SLIT2: variants seen among roughly 807,000 people sequenced by gnomAD.
SLIT2 encodes slit homolog 2 protein.
Under a neutral mutation model 185.7 loss-of-function variants are expected in SLIT2, and 41 were observed. The observed-to-expected ratio is 0.22, with a 90% CI of 0.17 to 0.29. The LOEUF (loss-of-function observed/expected upper bound fraction) is 0.29, where lower values mean the gene tolerates loss of function less well. SLIT2 is among the 10% of genes least tolerant of loss of function. The pLI is 1.00. For synonymous variants in SLIT2, 693 were observed against 680.2 expected (o/e 1.02, Z -0.29); for missense variants, 1,571 against 1,909.0 (o/e 0.82, Z 3.30).
At chr4:20,451,538 A>G (rs560167673) in intron 4 of SLIT2, among the ~76,000 whole-genome samples, 9 of 152,348 alleles carry the variant, frequency 5.9e-5, no homozygotes, top group African/African-American at 2.2e-4. Flanking sequence ...TAATGCACAC[A>G]TAACATATAT....
At chr4:20,569,404 A>T (rs1162879893) in intron 29 of SLIT2, 1 of 215,176 alleles carries the variant, frequency 4.6e-6, no homozygotes, top group East Asian at 1.3e-4. Context: ...TTGTCTTCAT[A>T]CTTGTGTCTT....
chr4:20,288,990 G>A (rs1324549041), intron 4 of SLIT2, among the ~76,000 whole-genome samples: 1 of 152,150 alleles, frequency 6.6e-6, no homozygotes, highest in Non-Finnish European at 1.5e-5. Context: ...CAAAGAAAGG[G>A]CATGTGTTGA....
chr4:20,258,070 T>A, intron 3 of SLIT2, 131 bp downstream of exon 3: 1 of 545,966 alleles, frequency 1.8e-6, no homozygotes, highest in East Asian at 3.0e-5. Flanking sequence ...GATGAATGAG[T>A]GGTTTTCAGG....
At chr4:20,310,698 C>A (rs1718027936) in intron 4 of SLIT2, among the ~76,000 whole-genome samples, 1 of 152,140 alleles carries the variant, frequency 6.6e-6, no homozygotes, top group Non-Finnish European at 1.5e-5. Flanking sequence ...CCCTGCAGGT[C>A]TTTATTCTGG....
intron 4 of SLIT2, among the ~76,000 whole-genome samples, chr4:20,345,730 T>G (rs1223238623): frequency 6.6e-6 from 1 of 151,796 alleles, no homozygotes; most frequent in Non-Finnish European, 1.5e-5. Context: ...GAGATGGGGA[T>G]TCACCATGTT....
intron 4 of SLIT2, among the ~76,000 whole-genome samples, chr4:20,320,306 T>C (rs945002238): frequency 1.3e-5 from 2 of 152,176 alleles, no homozygotes; most frequent in Non-Finnish European, 2.9e-5. Context: ...TGCATGACTA[T>C]AGCTATTCAT....
chr4:20,355,883 C>T (rs895736748), intron 4 of SLIT2, among the ~76,000 whole-genome samples: 2 of 152,020 alleles, frequency 1.3e-5, no homozygotes, highest in African/African-American at 4.8e-5. Flanking sequence ...ACTACTACTA[C>T]TATTATTATT....
At position 20,532,078 on chromosome 4, in the gene SLIT2, T is replaced by C; in HGVS notation, c.1688+20T>C. 1.6e-6 allele frequency: 2 copies of C among 1,265,402 alleles called. No individual in the cohort carries two copies. The highest frequency in any genetic ancestry group is 2.1e-6 in the Non-Finnish European group (2 of 954,598). The allele number at this position is 1,265,402 out of a possible 1,614,324, so 78.4% of individuals were successfully genotyped here. A position where few individuals can be genotyped will look rare whatever the true frequency, so the allele number is the denominator to read the frequency against. ...TAAAATGTAAGTCACTTGTTAGCTATTTTTTTTATTTCTGTAGCATTTTTT... is the reference window on the plus strand; with the variant it reads ...TAAAATGTAAGTCACTTGTTAGCTACTTTTTTTATTTCTGTAGCATTTTTT... On this transcript the variant is annotated intron_variant, in intron 17 of 36. Coordinates refer to ENST00000504154, the MANE Select transcript of SLIT2 (RefSeq NM_004787.4).
intron 33 of SLIT2, among the ~76,000 whole-genome samples, chr4:20,606,825 C>T (rs1728828939): frequency 6.6e-6 from 1 of 152,170 alleles, no homozygotes; most frequent in Admixed American, 6.5e-5. Context: ...GTTTTGCTAT[C>T]ATACAAGGTA....
At position 20,528,484 on chromosome 4, in the gene SLIT2, G is replaced by A; in HGVS notation, c.1463-465G>A. On this transcript the variant is annotated intron_variant, in intron 15 of 36. Coordinates refer to ENST00000504154, the MANE Select transcript of SLIT2 (RefSeq NM_004787.4). This position sits in a 1 kb window ranked among gnomAD's most constrained non-coding sequence, Gnocchi z 4.2. ...TTTTTAGGCATCTCCGAGATTATGT[G>A]AGAGGGAGAGAATAGTAAAAAGTCC... The A allele has an allele frequency of 2.5e-6, 1 of 395,592 alleles. No homozygotes were observed. Among genetic ancestry groups the A allele is most frequent in the Non-Finnish European group, 5.1e-6 (1 of 196,432 alleles). The allele number at this position is 395,592 out of a possible 1,614,324, so 24.5% of individuals were successfully genotyped here. A position where few individuals can be genotyped will look rare whatever the true frequency, so the allele number is the denominator to read the frequency against.
At chr4:20,472,317 T>TCTATATATATAG (rs1553908355) in intron 5 of SLIT2, among the ~76,000 whole-genome samples, 2 of 32,046 alleles carry the variant, frequency 6.2e-5, no homozygotes, top group African/African-American at 3.6e-4. Flanking sequence ...TATATATAGA[T>TCTATATATATAG]ATATATATCT....
intron 4 of SLIT2, among the ~76,000 whole-genome samples, chr4:20,449,094 T>G (rs1309454947): frequency 6.6e-6 from 1 of 152,108 alleles, no homozygotes; most frequent in Non-Finnish European, 1.5e-5. Context: ...TTCAATATTA[T>G]TAAATAAATA....
At chr4:20,432,346 A>G (rs1322113997) in intron 4 of SLIT2, among the ~76,000 whole-genome samples, 1 of 152,180 alleles carries the variant, frequency 6.6e-6, no homozygotes, top group Admixed American at 6.5e-5. Context: ...TGAACAAGAT[A>G]ATTAGTTTAC....
chr4:20,452,566 G>A (rs999131310), intron 4 of SLIT2, among the ~76,000 whole-genome samples: 12 of 151,688 alleles, frequency 7.9e-5, no homozygotes, highest in African/African-American at 1.2e-4. Flanking sequence ...CTCTTATTCC[G>A]TTCCTCTCTC....
At chr4:20,509,386 A>C (rs1719500383) in intron 9 of SLIT2, among the ~76,000 whole-genome samples, 1 of 152,062 alleles carries the variant, frequency 6.6e-6, no homozygotes, top group African/African-American at 2.4e-5. Context: ...TATTTTATAA[A>C]ATTAGGAGGT....
In SLIT2 at chr4:20,254,909, G is replaced by A. The variant is rs1711618131; in HGVS notation, c.179+915G>A. On this transcript the variant is annotated intron_variant, in intron 1 of 36. Coordinates refer to ENST00000504154, the MANE Select transcript of SLIT2 (RefSeq NM_004787.4). The surrounding 1 kb of genome is among the most constrained non-coding windows in gnomAD (Gnocchi z 5.1). ...CGCTCCGTTGCTCGCAGACGTCCCC[G>A]CCTCCCTGTCTTTGCGAGTCTCTAA... 1.1e-5 allele frequency: 5 copies of A among 456,058 alleles called. No individual in the cohort carries two copies. Among genetic ancestry groups the A allele is most frequent in the Admixed American group, 4.7e-5 (2 of 42,550 alleles). 28.3% of individuals were successfully genotyped at this position (456,058 alleles called of 1,614,324 possible).
chr4:20,455,316 G>A (rs950227952), intron 4 of SLIT2, among the ~76,000 whole-genome samples: 1 of 152,112 alleles, frequency 6.6e-6, no homozygotes, highest in Non-Finnish European at 1.5e-5. Flanking sequence ...AGGTGAACCA[G>A]AACAGACAAG....
At chr4:20,346,328 A>G (rs966409626) in intron 4 of SLIT2, among the ~76,000 whole-genome samples, 1 of 152,134 alleles carries the variant, frequency 6.6e-6, no homozygotes, top group East Asian at 1.9e-4. Flanking sequence ...TAATTCTTGT[A>G]TATGAGAAGC....
chr4:20,568,540 A>T (rs1445292545), intron 28 of SLIT2, among the ~76,000 whole-genome samples: 1 of 152,066 alleles, frequency 6.6e-6, no homozygotes, highest in African/African-American at 2.4e-5. Flanking sequence ...ACAACTCAAG[A>T]TTAAGATATC....
Sources: gnomAD v4.1 joint callset for allele counts (sites outside exome capture counted in the v4.1 genomes callset) on GRCh38, gnomAD v4.1.1 for gene constraint, Gnocchi (gnomAD v3.1) non-coding constraint, MANE v1.5 for transcripts, NCBI Gene and HGNC (gene_info 2026-07-23, HGNC 2026-07-21) for gene names.